Variants in UPK1B observed in about 807,000 individuals in gnomAD.
The protein encoded by UPK1B is uroplakin 1B.
UPK1B carries 28 observed loss-of-function variants against 34.2 expected under a neutral mutation model. That is an observed-to-expected ratio of 0.82 (90% confidence interval 0.61 to 1.12). The LOEUF (loss-of-function observed/expected upper bound fraction) is 1.12, where lower values mean the gene tolerates loss of function less well. Among genes scored for constraint, UPK1B ranks in the 50% most tolerant of loss-of-function variants. UPK1B has a pLI of 0.00. For missense variants in UPK1B, 325 were observed against 320.9 expected, an observed-to-expected ratio of 1.01 and a Z score of -0.10; for synonymous variants, 81 against 110.4, an observed-to-expected ratio of 0.73 and a Z score of 1.67.
At chr3:119,185,156 A>G (rs1024274275) in intron 1 of UPK1B, among the ~76,000 whole-genome samples, 1 of 152,228 alleles carries the variant, frequency 6.6e-6, no homozygotes, top group African/African-American at 2.4e-5. Context: ...GCAAACATGA[A>G]TTGAGTACCC....
chr3:119,202,880 G>T (rs961471443), intron 7 of UPK1B, among the ~76,000 whole-genome samples: 1 of 152,166 alleles, frequency 6.6e-6, no homozygotes, highest in Non-Finnish European at 1.5e-5. Context: ...GCACAGACGA[G>T]AAGGGCAACC....
In UPK1B at chr3:119,179,924, G is replaced by A. The variant is rs565264820; in HGVS notation, c.-29+6286G>A. ...AGCGATTCTCCCGCCTCAGCCTCCT[G>A]AGTAGCTGGGATTACAGGCATGCGC... is the stretch of plus-strand genomic sequence containing the variant. On this transcript the variant is annotated intron_variant, in intron 1 of 7. Transcript: ENST00000264234. Among the ~76,000 whole-genome samples, 18 of 147,634 alleles carry A rather than the reference G, an allele frequency of 1.2e-4. No homozygotes were observed. In the South Asian group the frequency reaches 1.3e-3, roughly 11 times the overall value.
intron 1 of UPK1B, among the ~76,000 whole-genome samples, chr3:119,181,140 G>T (rs184672459): frequency 1.1e-4 from 17 of 152,188 alleles, no homozygotes; most frequent in African/African-American, 3.9e-4. Context: ...CAATCGTTCT[G>T]GGGCTAGCTA....
At chr3:119,203,368 A>AAAAAAC (rs2078102174) in intron 7 of UPK1B, among the ~76,000 whole-genome samples, 3 of 146,234 alleles carry the variant, frequency 2.1e-5, no homozygotes, top group East Asian at 2.0e-4. Context: ...AAAAAAAAAA[A>AAAAAAC]TCTGATATCT....
At chr3:119,190,759 A>T (rs963459354) in intron 4 of UPK1B, among the ~76,000 whole-genome samples, 2 of 152,114 alleles carry the variant, frequency 1.3e-5, no homozygotes, top group Non-Finnish European at 2.9e-5. Context: ...ACCCTACAGT[A>T]TGTGTTCCCC....
At chr3:119,199,176 A>G in intron 7 of UPK1B, 36 bp downstream of exon 7, 1 of 1,611,108 alleles carries the variant, frequency 6.2e-7, no homozygotes, top group Non-Finnish European at 8.5e-7. Context: ...ATCTGAGAGG[A>G]TGATCATACG....
chr3:119,185,611 T>G (rs995797453), intron 1 of UPK1B, among the ~76,000 whole-genome samples: 2 of 152,244 alleles, frequency 1.3e-5, no homozygotes, highest in African/African-American at 4.8e-5. Context: ...TGTGTGGGAA[T>G]GCATCTTAGT....
intron 4 of UPK1B, among the ~76,000 whole-genome samples, chr3:119,190,624 G>A (rs2078039564): frequency 6.6e-6 from 1 of 152,230 alleles, no homozygotes; most frequent in African/African-American, 2.4e-5. Flanking sequence ...TCCCCTGTGG[G>A]TTTCACCACT....
At chr3:119,198,516 A>G (rs922521650) in intron 6 of UPK1B, among the ~76,000 whole-genome samples, 1 of 152,250 alleles carries the variant, frequency 6.6e-6, no homozygotes, top group Non-Finnish European at 1.5e-5. Flanking sequence ...GTGACCCTTC[A>G]AGGTCTCACT....
intron 7 of UPK1B, among the ~76,000 whole-genome samples, chr3:119,199,620 G>T (rs1466396490): frequency 6.6e-6 from 1 of 152,234 alleles, no homozygotes; most frequent in African/African-American, 2.4e-5. Flanking sequence ...AGAGGTTGGA[G>T]CGGTGGTTCT....
intron 1 of UPK1B, among the ~76,000 whole-genome samples, chr3:119,179,655 G>A (rs1226266932): frequency 4.9e-5 from 7 of 143,586 alleles, no homozygotes; most frequent in African/African-American, 1.8e-4. Flanking sequence ...GACTACAGGC[G>A]CCTGCCACCA....
chr3:119,198,712 C>A (rs2078077485), intron 6 of UPK1B, among the ~76,000 whole-genome samples: 1 of 152,058 alleles, frequency 6.6e-6, no homozygotes, highest in Non-Finnish European at 1.5e-5. Flanking sequence ...ACCAACGAAG[C>A]CTTTGGGGAG....
At chr3:119,187,311 C>T (rs2078023845) in intron 2 of UPK1B, among the ~76,000 whole-genome samples, 1 of 152,094 alleles carries the variant, frequency 6.6e-6, no homozygotes, top group Non-Finnish European at 1.5e-5. Context: ...CCTCTGACTC[C>T]CCATATGACT....
At chr3:119,175,864 A>C (rs926710031) in intron 1 of UPK1B, 3 of 152,244 alleles carry the variant, frequency 2.0e-5, no homozygotes, top group African/African-American at 7.2e-5. Flanking sequence ...TTTTGACTTT[A>C]AATAACTGCA....
chr3:119,180,642 T>G (rs1478706326), intron 1 of UPK1B, among the ~76,000 whole-genome samples: 2 of 151,178 alleles, frequency 1.3e-5, no homozygotes, highest in Non-Finnish European at 2.9e-5. Context: ...GTGCCTATCC[T>G]CTATGGAAAG....
chr3:119,177,511 G>T (rs1218632743), intron 1 of UPK1B, among the ~76,000 whole-genome samples: 1 of 152,156 alleles, frequency 6.6e-6, no homozygotes, highest in African/African-American at 2.4e-5. Context: ...CTCCAAGTTT[G>T]CAGCCAGAAC....
intron 1 of UPK1B, among the ~76,000 whole-genome samples, chr3:119,179,352 GATAT>G (rs60685268): frequency 0.013 from 629 of 46,634 alleles, 5 homozygotes; most frequent in Admixed American, 0.045. Context: ...GAGAGAGGGA[GATAT>G]ATATATATAT....
chr3:119,185,545 AC>A (rs2078014117), intron 1 of UPK1B, among the ~76,000 whole-genome samples: 1 of 151,534 alleles, frequency 6.6e-6, no homozygotes, highest in Non-Finnish European at 1.5e-5. Context: ...TGCAAGACTT[AC>A]GTCTTCCCGC....
intron 1 of UPK1B, among the ~76,000 whole-genome samples, chr3:119,175,559 C>T (rs1173984656): frequency 7.0e-6 from 1 of 143,132 alleles, no homozygotes; most frequent in Non-Finnish European, 1.5e-5. Flanking sequence ...CAAGGACTCT[C>T]CATAGTACTC....
Sources: gnomAD v4.1 joint callset for allele counts (sites outside exome capture counted in the v4.1 genomes callset) on GRCh38, gnomAD v4.1.1 for gene constraint, MANE v1.5 for transcripts, NCBI Gene and HGNC (gene_info 2026-07-23, HGNC 2026-07-21) for gene names.